Variants in HMGCLL1 observed in about 807,000 individuals in gnomAD.
The protein encoded by HMGCLL1 is 3-hydroxymethyl-3-methylglutaryl-CoA lyase, cytoplasmic.
In HMGCLL1, 36 loss-of-function variants were observed where a neutral mutation model predicts 39.1. That is an observed-to-expected ratio of 0.92 (90% CI 0.71 to 1.22). The LOEUF is 1.22. Ranked by LOEUF, HMGCLL1 falls within the 50% of genes most tolerant of loss-of-function variation. The pLI is 0.00. For synonymous variants in HMGCLL1, 149 were observed against 144.0 expected, an observed-to-expected ratio of 1.03 and a Z score of -0.25; for missense variants, 451 against 416.5, an observed-to-expected ratio of 1.08 and a Z score of -0.72.
chr6:55,527,434 AG>A (rs1274552712), intron 3 of HMGCLL1, among the ~76,000 whole-genome samples: 1 of 151,996 alleles, frequency 6.6e-6, no homozygotes, highest in Non-Finnish European at 1.5e-5. Context: ...GTTGGCTTGA[AG>A]GGGGCCAAAT....
the HMGCLL1 span, among the ~76,000 whole-genome samples, chr6:55,662,033 A>G: frequency 6.6e-6 from 1 of 151,776 alleles, no homozygotes; most frequent in Non-Finnish European, 1.5e-5. Flanking sequence ...TCGTATGTTG[A>G]TTTTCTATCC....
intron 3 of HMGCLL1, among the ~76,000 whole-genome samples, chr6:55,520,928 C>G (rs1045751744): frequency 3.3e-5 from 5 of 151,690 alleles, no homozygotes; most frequent in Non-Finnish European, 1.5e-5. Context: ...TAAGCATGCA[C>G]ATTTTGATAT....
At position 55,435,108 on chromosome 6, in the gene HMGCLL1, C is replaced by G. The variant is rs1185271340; in HGVS notation, c.*554G>C. The stretch of plus-strand genomic sequence containing the variant: ...CAGATAAAGTCACTGAAATAGTTAA[C>G]AGATGTTAGCCATACTTGAAATATA... On this transcript the variant is annotated 3_prime_UTR_variant, in exon 9 of 9. Transcript: ENST00000274901. 1 of 152,532 alleles carries G rather than the reference C, an allele frequency of 6.6e-6. No homozygotes were observed. Among genetic ancestry groups the G allele is most frequent in the Admixed American group, 6.6e-5 (1 of 15,238 alleles). 9.4% of individuals were successfully genotyped at this position (152,532 alleles called of 1,614,324 possible). A position where few individuals can be genotyped will look rare whatever the true frequency, so the allele number is the denominator to read the frequency against.
At chr6:55,482,717 C>T (rs1331667454) in intron 7 of HMGCLL1, among the ~76,000 whole-genome samples, 1 of 151,990 alleles carries the variant, frequency 6.6e-6, no homozygotes, top group Non-Finnish European at 1.5e-5. Context: ...TCTGTAGTTA[C>T]TGTGAGATCA....
chr6:55,626,811 T>C, the HMGCLL1 span, among the ~76,000 whole-genome samples: 3 of 151,956 alleles, frequency 2.0e-5, no homozygotes, highest in Non-Finnish European at 4.4e-5. Context: ...GTCAAGAGGC[T>C]AAGAAAGGAG....
At chr6:55,537,383 A>G (rs6916615) in intron 3 of HMGCLL1, among the ~76,000 whole-genome samples, 2 of 152,186 alleles carry the variant, frequency 1.3e-5, no homozygotes, top group Admixed American at 1.3e-4. Context: ...TATTAAAGTA[A>G]AATATATAAC....
At chr6:55,506,888 A>G (rs1333632470) in intron 5 of HMGCLL1, among the ~76,000 whole-genome samples, 1 of 151,806 alleles carries the variant, frequency 6.6e-6, no homozygotes, top group Non-Finnish European at 1.5e-5. Flanking sequence ...TATGGTAAGA[A>G]TATAAAACTC....
At chr6:55,604,554 T>C in the HMGCLL1 span, among the ~76,000 whole-genome samples, 1 of 152,106 alleles carries the variant, frequency 6.6e-6, no homozygotes. Context: ...AGTTAGTATA[T>C]TATACTAGAG....
intron 1 of HMGCLL1, among the ~76,000 whole-genome samples, chr6:55,549,174 A>G (rs1770169913): frequency 6.6e-6 from 1 of 151,836 alleles, no homozygotes; most frequent in Non-Finnish European, 1.5e-5. Flanking sequence ...GCTATATTGA[A>G]GGTTAAGATA....
the HMGCLL1 span, among the ~76,000 whole-genome samples, chr6:55,630,778 C>A: frequency 1.3e-5 from 2 of 151,872 alleles, no homozygotes; most frequent in Non-Finnish European, 2.9e-5. Context: ...GCCTGCCCCG[C>A]TCCATGTGAG....
At chr6:55,657,025 C>T in the HMGCLL1 span, among the ~76,000 whole-genome samples, 1 of 151,858 alleles carries the variant, frequency 6.6e-6, no homozygotes, top group Non-Finnish European at 1.5e-5. Context: ...ATGTACTTTG[C>T]CCACTTTTTT....
intron 7 of HMGCLL1, among the ~76,000 whole-genome samples, chr6:55,443,152 T>G (rs1434199026): frequency 6.6e-6 from 1 of 152,170 alleles, no homozygotes; most frequent in African/African-American, 2.4e-5. Context: ...AAGTAGAGTT[T>G]CTTATCTATC....
intron 7 of HMGCLL1, 44 bp from the exon 8 acceptor site, chr6:55,439,603 A>G: frequency 6.3e-7 from 1 of 1,586,798 alleles, no homozygotes; most frequent in Non-Finnish European, 8.6e-7. Flanking sequence ...TGTTTATGGC[A>G]TGTAAATTGT....
At chr6:55,447,462 TTAAAAC>T (rs1763903432) in intron 7 of HMGCLL1, among the ~76,000 whole-genome samples, 2 of 151,984 alleles carry the variant, frequency 1.3e-5, no homozygotes, top group Non-Finnish European at 2.9e-5. Context: ...CTTCTCATCT[TTAAAAC>T]TAGTATTCCT....
the HMGCLL1 span, among the ~76,000 whole-genome samples, chr6:55,669,078 C>T: frequency 6.8e-6 from 1 of 146,932 alleles, no homozygotes; most frequent in Admixed American, 6.8e-5. Context: ...CCTGTGGAAA[C>T]CAGAAAGTTC....
chr6:55,613,337 T>C, the HMGCLL1 span, among the ~76,000 whole-genome samples: 4 of 152,192 alleles, frequency 2.6e-5, no homozygotes, highest in East Asian at 7.7e-4. Context: ...CGTTTTTACA[T>C]TGTTGGTAGG....
At chr6:55,469,859 A>G (rs1764971075) in intron 7 of HMGCLL1, among the ~76,000 whole-genome samples, 1 of 151,908 alleles carries the variant, frequency 6.6e-6, no homozygotes, top group South Asian at 2.1e-4. Context: ...TGGAGGTTTC[A>G]TATTTATCAT....
chr6:55,597,474 G>A, the HMGCLL1 span, among the ~76,000 whole-genome samples: 2 of 151,004 alleles, frequency 1.3e-5, no homozygotes, highest in Non-Finnish European at 2.9e-5. Context: ...GGATACAGAA[G>A]TTGATAAGAG....
intron 7 of HMGCLL1, among the ~76,000 whole-genome samples, chr6:55,476,949 A>C (rs1335083950): frequency 8.9e-6 from 1 of 112,532 alleles, no homozygotes; most frequent in Non-Finnish European, 2.0e-5. Context: ...GCTGCTCTTA[A>C]ATCAAATTAT....
Sources: allele counts gnomAD v4.1 joint callset (sites outside exome capture counted in the v4.1 genomes callset), GRCh38; gene constraint gnomAD v4.1.1; transcripts MANE v1.5; gene names NCBI Gene and HGNC (gene_info 2026-07-23, HGNC 2026-07-21).